The following ST6GALNAC2 variants were observed in gnomAD, a reference collection of about 807,000 sequenced individuals.
The protein encoded by ST6GALNAC2 is alpha-N-acetylgalactosaminide alpha-2,6-sialyltransferase 2.
ST6GALNAC2 carries 42 observed loss-of-function variants against 38.7 expected under a neutral mutation model. That is an observed-to-expected ratio of 1.09 (90% confidence interval 0.85 to 1.40). The LOEUF is 1.40. Among genes scored for constraint, ST6GALNAC2 ranks in the 40% most tolerant of loss-of-function variants. The pLI, the probability that ST6GALNAC2 is intolerant of heterozygous loss-of-function variation, is 0.00. For missense variants in ST6GALNAC2, 506 were observed against 481.7 expected (o/e 1.05, Z -0.47); for synonymous variants, 233 against 209.0 (o/e 1.11, Z -0.99).
At chr17:76,584,944 C>T (rs989857752) in intron 1 of ST6GALNAC2, among the ~76,000 whole-genome samples, 1 of 152,230 alleles carries the variant, frequency 6.6e-6, no homozygotes, top group Non-Finnish European at 1.5e-5. Context: ...TTTGCGGCTT[C>T]TTCAGTCACC....
Position 76,568,835 on chromosome 17 carries a change from C to T in ST6GALNAC2, c.774-39G>A, listed in dbSNP as rs369608634. 343 of 1,603,720 alleles carry T rather than the reference C, an allele frequency of 2.1e-4. 2 individuals are homozygous for T. The highest frequency in any genetic ancestry group is 1.7e-3 in the South Asian group (155 of 90,730). On this transcript the variant is annotated intron_variant, in intron 6 of 8. Coordinates refer to ENST00000225276, the MANE Select transcript of ST6GALNAC2 (RefSeq NM_006456.3). ...TAGAAGTGGACAGAGCGCCCAGAGC[C>T]GTCGTATTGCAAGGGGGAGATGGAG...
At chr17:76,568,913 G>T in intron 6 of ST6GALNAC2, 117 bp from the exon 7 acceptor site, 1 of 908,882 alleles carries the variant, frequency 1.1e-6, no homozygotes, top group Non-Finnish European at 1.8e-6. Flanking sequence ...TAGGAGCGGG[G>T]CTGGGAGTAG....
chr17:76,575,478 A>T (rs2075405457), intron 2 of ST6GALNAC2, among the ~76,000 whole-genome samples: 1 of 152,160 alleles, frequency 6.6e-6, no homozygotes, highest in South Asian at 2.1e-4. Flanking sequence ...TGAAGCAGGG[A>T]TCTGTGCGAT....
intron 1 of ST6GALNAC2, among the ~76,000 whole-genome samples, chr17:76,582,823 CCA>C (rs1374594047): frequency 6.6e-6 from 1 of 152,146 alleles, no homozygotes; most frequent in Non-Finnish European, 1.5e-5. Context: ...CGTCCACCTC[CCA>C]CTCTCTCCCA....
In ST6GALNAC2 at chr17:76,575,420, G is replaced by C. The variant is rs900296070; in HGVS notation, c.187-881C>G. ...ATTAGTTAGGAGGAGGTCATATAGGGTGAGGTCAGGCCCTAACTAGCATCC... is the reference window on the plus strand; with the variant it reads ...ATTAGTTAGGAGGAGGTCATATAGGCTGAGGTCAGGCCCTAACTAGCATCC... On this transcript the variant is annotated intron_variant, in intron 2 of 8. Transcript: ENST00000225276. 2.0e-5 allele frequency among the ~76,000 whole-genome samples: 3 copies of C among 152,320 alleles called. No individual in the cohort carries two copies. In the East Asian group the frequency reaches 5.8e-4, roughly 29 times the overall value.
chr17:76,571,797 G>A (rs1598249413), intron 5 of ST6GALNAC2, among the ~76,000 whole-genome samples: 1 of 152,292 alleles, frequency 6.6e-6, no homozygotes, highest in South Asian at 2.1e-4. Flanking sequence ...CCCTGTGGCT[G>A]TGGCACCCAC....
Position 76,574,352 on chromosome 17 carries a change from G to T in ST6GALNAC2, c.361+13C>A. On this transcript the variant is annotated intron_variant, in intron 3 of 8. Coordinates refer to ENST00000225276, the MANE Select transcript of ST6GALNAC2 (RefSeq NM_006456.3). Reference sequence around the variant, plus strand: ...AGGCAGAAGGCAGGTGAGAGACAGCGGGCGCGGGTTACCTTGGTGAGAGAG... The same window carrying T: ...AGGCAGAAGGCAGGTGAGAGACAGCTGGCGCGGGTTACCTTGGTGAGAGAG... The T allele has an allele frequency of 4.4e-6, 7 of 1,577,370 alleles. No individual in the cohort carries two copies. Among genetic ancestry groups the T allele is most frequent in the Non-Finnish European group, 6.1e-6 (7 of 1,155,436 alleles).
chr17:76,581,540 CAG>C (rs1364049765), intron 1 of ST6GALNAC2, among the ~76,000 whole-genome samples: 4 of 152,056 alleles, frequency 2.6e-5, no homozygotes, highest in Non-Finnish European at 5.9e-5. Flanking sequence ...GGGTGGGGGA[CAG>C]GGGTAGAGCT....
At chr17:76,578,838 AG>A (rs776076019) in intron 1 of ST6GALNAC2, 22 bp from the exon 2 acceptor site, 2 of 1,609,920 alleles carry the variant, frequency 1.2e-6, no homozygotes, top group African/African-American at 2.7e-5. Context: ...AGCAGAAAAA[AG>A]CAGGGGTCAG....
At chr17:76,580,659 G>A (rs117664516) in intron 1 of ST6GALNAC2, among the ~76,000 whole-genome samples, 3,145 of 151,914 alleles carry the variant, frequency 0.021, 39 homozygotes, top group Non-Finnish European at 0.032. Context: ...GGTGGAGCTC[G>A]TAGTAAGGGG....
chr17:76,578,894 C>T, intron 1 of ST6GALNAC2, 78 bp from the exon 2 acceptor site: 1 of 1,332,854 alleles, frequency 7.5e-7, no homozygotes, highest in Non-Finnish European at 1.0e-6. Context: ...GACCGACCCC[C>T]TTAGCTCTAG....
chr17:76,575,583 A>T (rs944287039), intron 2 of ST6GALNAC2, among the ~76,000 whole-genome samples: 1 of 152,196 alleles, frequency 6.6e-6, no homozygotes, highest in East Asian at 1.9e-4. Context: ...CCCTGCCAGC[A>T]CCTTGATTCT....
intron 5 of ST6GALNAC2, 176 bp from the exon 6 acceptor site, chr17:76,570,844 A>G (rs2075345573): frequency 1.7e-6 from 1 of 590,796 alleles, no homozygotes; most frequent in African/African-American, 1.8e-5. Flanking sequence ...CAAATCCTCT[A>G]ATGCTCCTTC....
At chr17:76,581,518 C>T (rs1303530295) in intron 1 of ST6GALNAC2, among the ~76,000 whole-genome samples, 1 of 151,996 alleles carries the variant, frequency 6.6e-6, no homozygotes, top group Non-Finnish European at 1.5e-5. Context: ...CGGGACAGGG[C>T]AGAGTTGAGA....
At chr17:76,584,656 TC>T (rs1018018838) in intron 1 of ST6GALNAC2, among the ~76,000 whole-genome samples, 12 of 152,320 alleles carry the variant, frequency 7.9e-5, no homozygotes, top group Admixed American at 7.2e-4. Context: ...CACCCTTTGT[TC>T]TAAGAGTGCT....
Position 76,573,425 on chromosome 17 carries a change from C to T in ST6GALNAC2, c.362-62G>A. On this transcript the variant is annotated intron_variant, in intron 3 of 8. Transcript: ENST00000225276. The surrounding 1 kb of genome is among the most constrained non-coding windows in gnomAD (Gnocchi z 5.1). ...TGGCATCGGGGGCACCTGGGGCCTTCCCTAGGCTGGTTCTGGTGCCCCATC... is the reference window on the plus strand; with the variant it reads ...TGGCATCGGGGGCACCTGGGGCCTTTCCTAGGCTGGTTCTGGTGCCCCATC... The T allele has an allele frequency of 1.4e-6, 2 of 1,432,756 alleles. No homozygotes were observed. The highest frequency in any genetic ancestry group is 1.8e-6 in the Non-Finnish European group (2 of 1,089,052). The allele number at this position is 1,432,756 out of a possible 1,614,324, so 88.8% of individuals were successfully genotyped here.
intron 2 of ST6GALNAC2, 111 bp from the exon 3 acceptor site, chr17:76,574,650 C>A: frequency 1.1e-6 from 1 of 881,492 alleles, no homozygotes; most frequent in Admixed American, 3.1e-5. Flanking sequence ...CTGCCCTGTC[C>A]CCTCCAGATT....
At chr17:76,570,972 A>C in intron 5 of ST6GALNAC2, 1 of 270,026 alleles carries the variant, frequency 3.7e-6, no homozygotes. Flanking sequence ...TAGGTCATAA[A>C]AGGCACTGTG....
intron 1 of ST6GALNAC2, among the ~76,000 whole-genome samples, chr17:76,584,010 G>A (rs11077838): frequency 0.75 from 108,056 of 144,482 alleles, 40,855 homozygotes; most frequent in East Asian, 0.84. Context: ...GGGTTTCACC[G>A]TGTTAGCCAG....
Sources: allele counts gnomAD v4.1 joint callset (sites outside exome capture counted in the v4.1 genomes callset), GRCh38; gene constraint gnomAD v4.1.1; non-coding constraint Gnocchi (gnomAD v3.1); transcripts MANE v1.5; gene names NCBI Gene and HGNC (gene_info 2026-07-23, HGNC 2026-07-21).